The following BBX variants were observed in gnomAD, a reference collection of about 807,000 sequenced individuals.
BBX encodes the protein BBX high mobility group box domain containing, also known as HMG box transcription factor BBX.
BBX carries 30 observed loss-of-function variants against 100.2 expected under a neutral mutation model. The ratio of observed to expected loss-of-function variants is 0.30; its 90% confidence interval spans 0.22 to 0.41. The LOEUF is 0.41. Among genes scored for constraint, BBX ranks in the 10% least tolerant of loss-of-function variants. The pLI is 1.00. For missense variants in BBX, 1,023 were observed against 1,129.8 expected, an observed-to-expected ratio of 0.91 and a Z score of 1.35; for synonymous variants, 376 against 388.1, an observed-to-expected ratio of 0.97 and a Z score of 0.37.
intron 2 of BBX, among the ~76,000 whole-genome samples, chr3:107,587,420 T>C (rs2052939302): frequency 6.6e-6 from 1 of 152,162 alleles, no homozygotes; most frequent in South Asian, 2.1e-4. Context: ...TGGAATGATT[T>C]GGATCTTCTT....
chr3:107,595,958 G>A (rs1432067059), intron 2 of BBX, among the ~76,000 whole-genome samples: 1 of 152,040 alleles, frequency 6.6e-6, no homozygotes, highest in Non-Finnish European at 1.5e-5. Flanking sequence ...TATATTTTAG[G>A]CACTCATGAC....
chr3:107,703,676 T>C (rs2061220477), intron 3 of BBX, among the ~76,000 whole-genome samples: 1 of 152,212 alleles, frequency 6.6e-6, no homozygotes, highest in African/African-American at 2.4e-5. Context: ...ACTTTTTGCA[T>C]GACTAGTGAG....
chr3:107,664,098 C>A (rs1181591816), intron 3 of BBX, among the ~76,000 whole-genome samples: 1 of 152,188 alleles, frequency 6.6e-6, no homozygotes, highest in African/African-American at 2.4e-5. Flanking sequence ...AGCCACTGCG[C>A]CTGGCCTCTT....
chr3:107,735,628 T>TA (rs1446475374), intron 7 of BBX, among the ~76,000 whole-genome samples: 7 of 152,006 alleles, frequency 4.6e-5, no homozygotes, highest in Non-Finnish European at 8.8e-5. Flanking sequence ...AGATTTCTTT[T>TA]AAAAAAGCAT....
chr3:107,750,104 A>G (rs891730954), intron 9 of BBX, among the ~76,000 whole-genome samples: 3 of 152,040 alleles, frequency 2.0e-5, no homozygotes, highest in Non-Finnish European at 2.9e-5. Flanking sequence ...CCGTACACTA[A>G]TTCTTGAATG....
At chr3:107,763,789 A>G (rs1041287803) in intron 10 of BBX, among the ~76,000 whole-genome samples, 4 of 152,096 alleles carry the variant, frequency 2.6e-5, no homozygotes, top group Non-Finnish European at 4.4e-5. Context: ...AGTGAGTTCC[A>G]TTTCTTCCTG....
Position 107,794,209 on chromosome 3 carries a change from A to G in BBX, c.2353+2910A>G, listed in dbSNP as rs1028633926. Among the ~76,000 whole-genome samples, 7 of 152,218 alleles carry G rather than the reference A, an allele frequency of 4.6e-5. No homozygotes were observed. In the East Asian group the frequency reaches 1.2e-3, roughly 25 times the overall value. ...TTACAGGGGGCTTTCATATATATGTATATATTTTTTTCAATTTCATCTTAA... is the reference window on the plus strand; with the variant it reads ...TTACAGGGGGCTTTCATATATATGTGTATATTTTTTTCAATTTCATCTTAA... On this transcript the variant is annotated intron_variant, in intron 15 of 17. Coordinates refer to ENST00000325805, the MANE Select transcript of BBX (RefSeq NM_001142568.3).
chr3:107,538,636 A>G (rs2048667376), intron 2 of BBX, among the ~76,000 whole-genome samples: 1 of 152,112 alleles, frequency 6.6e-6, no homozygotes, highest in Non-Finnish European at 1.5e-5. Flanking sequence ...TTTTTAATTG[A>G]TCTTCAATTA....
At chr3:107,545,696 G>A (rs1392392673) in intron 2 of BBX, among the ~76,000 whole-genome samples, 1 of 152,132 alleles carries the variant, frequency 6.6e-6, no homozygotes, top group Non-Finnish European at 1.5e-5. Flanking sequence ...CCTCTTTAGG[G>A]AATGGCAATT....
At chr3:107,667,478 TAAAC>T (rs1192654602) in intron 3 of BBX, among the ~76,000 whole-genome samples, 3 of 151,852 alleles carry the variant, frequency 2.0e-5, no homozygotes, top group South Asian at 4.1e-4. Flanking sequence ...ATATTAAAAA[TAAAC>T]TATATTATTA....
intron 2 of BBX, among the ~76,000 whole-genome samples, chr3:107,578,060 CTGT>C (rs1220280751): frequency 6.6e-6 from 1 of 152,128 alleles, no homozygotes; most frequent in Non-Finnish European, 1.5e-5. Flanking sequence ...TGCATTTTTG[CTGT>C]TGTTCTTGTG....
rs879653080 is a variant in BBX at position 107,741,478 on chromosome 3, G to A, written c.670-3152G>A. Among the ~76,000 whole-genome samples, 22 of 152,110 alleles carry A rather than the reference G, an allele frequency of 1.4e-4. 1 individual carries two copies. The highest frequency in any genetic ancestry group is 6.3e-4 in the South Asian group (3 of 4,790). On this transcript the variant is annotated intron_variant, in intron 7 of 17. Coordinates refer to ENST00000325805, the MANE Select transcript of BBX (RefSeq NM_001142568.3). ...TCCCGTTAGCTATTTTTGTTTTTGG[G>A]CATATAGCAACACCTAGTGGCTTTA... is the stretch of plus-strand genomic sequence containing the variant.
At chr3:107,650,528 A>G (rs1172329770) in intron 3 of BBX, among the ~76,000 whole-genome samples, 1 of 152,192 alleles carries the variant, frequency 6.6e-6, no homozygotes, top group Non-Finnish European at 1.5e-5. Context: ...ATCAAGTACA[A>G]CATAGTAATA....
chr3:107,726,808 TC>T (rs1380446501), intron 5 of BBX, among the ~76,000 whole-genome samples: 3 of 152,096 alleles, frequency 2.0e-5, no homozygotes, highest in African/African-American at 7.2e-5. Flanking sequence ...TAATTCATAC[TC>T]TTCTCTCTCC....
intron 9 of BBX, among the ~76,000 whole-genome samples, chr3:107,753,640 G>A (rs1281356990): frequency 6.6e-6 from 1 of 152,166 alleles, no homozygotes; most frequent in African/African-American, 2.4e-5. Flanking sequence ...ACTGCATTAG[G>A]CACAGGATAT....
At chr3:107,616,861 T>C (rs1426961569) in intron 2 of BBX, among the ~76,000 whole-genome samples, 2 of 152,154 alleles carry the variant, frequency 1.3e-5, no homozygotes, top group Admixed American at 1.3e-4. Flanking sequence ...ATCATCTTCT[T>C]AGGGTATTTA....
intron 15 of BBX, among the ~76,000 whole-genome samples, chr3:107,796,240 C>T (rs908050143): frequency 1.3e-5 from 2 of 152,216 alleles, no homozygotes; most frequent in African/African-American, 4.8e-5. Context: ...AGCAAGTCAT[C>T]TTTCCCAACC....
At chr3:107,552,777 G>A (rs578178443) in intron 2 of BBX, among the ~76,000 whole-genome samples, 41 of 152,192 alleles carry the variant, frequency 2.7e-4, no homozygotes, top group African/African-American at 8.4e-4. Flanking sequence ...ATTCTAATAT[G>A]GTTTCTTCAT....
intron 2 of BBX, among the ~76,000 whole-genome samples, chr3:107,529,119 A>G (rs1187325184): frequency 1.3e-5 from 2 of 152,248 alleles, no homozygotes; most frequent in African/African-American, 2.4e-5. Context: ...GTCTTAAAAA[A>G]GTATATAAAA....
Sources: allele counts gnomAD v4.1 joint callset (sites outside exome capture counted in the v4.1 genomes callset), GRCh38; gene constraint gnomAD v4.1.1; transcripts MANE v1.5; gene names NCBI Gene and HGNC (gene_info 2026-07-23, HGNC 2026-07-21).